RBPMS: variants seen among roughly 807,000 people sequenced by gnomAD.
The protein encoded by RBPMS is RNA binding protein, mRNA processing factor.
Under a neutral mutation model 26.8 loss-of-function variants are expected in RBPMS, and 7 were observed. That is an observed-to-expected ratio of 0.26 (90% CI 0.15 to 0.49). The LOEUF (loss-of-function observed/expected upper bound fraction) is 0.49. Among genes scored for constraint, RBPMS ranks in the 20% least tolerant of loss-of-function variants. RBPMS has a pLI of 0.98. For missense variants in RBPMS, 186 were observed against 250.0 expected (o/e 0.74, Z 1.73); for synonymous variants, 96 against 93.3 (o/e 1.03, Z -0.17).
chr8:30,416,376 G>C (rs774896328), intron 1 of RBPMS, among the ~76,000 whole-genome samples: 3 of 152,062 alleles, frequency 2.0e-5, no homozygotes, highest in Admixed American at 6.5e-5. Flanking sequence ...CTGTCGCCCA[G>C]GCTGGAGTGC....
At chr8:30,516,522 G>A (rs896995790) in intron 5 of RBPMS, among the ~76,000 whole-genome samples, 2 of 152,122 alleles carry the variant, frequency 1.3e-5, no homozygotes, top group East Asian at 1.9e-4. Context: ...CATACCAGCC[G>A]TTCATATAGT....
intron 1 of RBPMS, among the ~76,000 whole-genome samples, chr8:30,417,822 A>C (rs1421782070): frequency 6.6e-6 from 1 of 152,224 alleles, no homozygotes; most frequent in Non-Finnish European, 1.5e-5. Context: ...GATGTTCCAA[A>C]ATATATTACC....
At chr8:30,540,598 A>T in intron 5 of RBPMS, among the ~76,000 whole-genome samples, 1 of 152,080 alleles carries the variant, frequency 6.6e-6, no homozygotes, top group East Asian at 1.9e-4. Flanking sequence ...GCTAATATAT[A>T]TTTTTTTAAG....
intron 4 of RBPMS, among the ~76,000 whole-genome samples, chr8:30,486,548 G>T (rs538955357): frequency 2.6e-5 from 4 of 151,784 alleles, no homozygotes; most frequent in Non-Finnish European, 4.4e-5. Context: ...CAGGAGAATC[G>T]CTTGAACCCG....
At chr8:30,393,448 G>C (rs1042331704) in intron 1 of RBPMS, among the ~76,000 whole-genome samples, 12 of 151,918 alleles carry the variant, frequency 7.9e-5, no homozygotes, top group African/African-American at 2.9e-4. Flanking sequence ...TGACTTTTTT[G>C]GGGAAAAGGA....
At chr8:30,448,385 CTTA>C (rs982350032) in intron 1 of RBPMS, among the ~76,000 whole-genome samples, 3 of 152,144 alleles carry the variant, frequency 2.0e-5, no homozygotes, top group African/African-American at 7.2e-5. Flanking sequence ...AGTATGTGTT[CTTA>C]TTGCTCTTCC....
intron 5 of RBPMS, among the ~76,000 whole-genome samples, chr8:30,519,650 ATATTTT>A (rs546152980): frequency 3.8e-4 from 57 of 151,876 alleles, no homozygotes; most frequent in African/African-American, 1.3e-3. Context: ...CGCCCGGCTA[ATATTTT>A]TATTTTTATT....
At chr8:30,488,124 C>T (rs2150876597) in intron 4 of RBPMS, among the ~76,000 whole-genome samples, 1 of 152,084 alleles carries the variant, frequency 6.6e-6, no homozygotes, top group African/African-American at 2.4e-5. Flanking sequence ...CCTTTATTTG[C>T]CTTACACAAG....
intron 5 of RBPMS, among the ~76,000 whole-genome samples, chr8:30,525,731 A>G (rs1160286776): frequency 6.6e-6 from 1 of 152,240 alleles, no homozygotes; most frequent in African/African-American, 2.4e-5. Context: ...TCTAGTACAG[A>G]GAAAGGCATT....
intron 6 of RBPMS, among the ~76,000 whole-genome samples, chr8:30,550,078 A>C (rs780069925): frequency 2.0e-5 from 3 of 151,924 alleles, no homozygotes; most frequent in Admixed American, 6.6e-5. Flanking sequence ...TCTCGATCTC[A>C]TGACCTTATG....
intron 1 of RBPMS, among the ~76,000 whole-genome samples, chr8:30,435,241 T>A (rs1812330632): frequency 6.6e-6 from 1 of 152,172 alleles, no homozygotes. Context: ...GCTACACATA[T>A]GAGGTATATG....
intron 7 of RBPMS, among the ~76,000 whole-genome samples, chr8:30,559,286 A>G (rs1827248409): frequency 6.6e-6 from 1 of 152,266 alleles, no homozygotes; most frequent in African/African-American, 2.4e-5. Flanking sequence ...TGCTGCCAGC[A>G]TTAAATCAAA....
chr8:30,436,892 C>G (rs975041760), intron 1 of RBPMS, among the ~76,000 whole-genome samples: 1 of 150,708 alleles, frequency 6.6e-6, no homozygotes, highest in South Asian at 2.1e-4. Flanking sequence ...TGAACCTTTA[C>G]GTGTTTACAC....
intron 5 of RBPMS, among the ~76,000 whole-genome samples, chr8:30,526,695 A>C (rs1027376337): frequency 3.3e-5 from 5 of 152,212 alleles, no homozygotes; most frequent in African/African-American, 1.2e-4. Flanking sequence ...GACTGACTTC[A>C]TTCAGGAAAT....
intron 1 of RBPMS, among the ~76,000 whole-genome samples, chr8:30,430,305 A>C (rs1242954374): frequency 6.6e-6 from 1 of 152,166 alleles, no homozygotes; most frequent in African/African-American, 2.4e-5. Context: ...TAGAGAAGAG[A>C]ATCATACTAC....
chr8:30,411,664 G>GAAAAAAAAA (rs796071124), intron 1 of RBPMS, among the ~76,000 whole-genome samples: 1 of 28,216 alleles, frequency 3.5e-5, no homozygotes, highest in Non-Finnish European at 7.0e-5. Context: ...CCCTGTCTCA[G>GAAAAAAAAA]AAAAAAAAAA....
In RBPMS at chr8:30,411,118, G is replaced by A. The variant is rs1585372580; in HGVS notation, c.66+25960G>A. Among the ~76,000 whole-genome samples, 3 of 152,120 alleles carry A rather than the reference G, an allele frequency of 2.0e-5. No individual in the cohort carries two copies. The East Asian group carries it at 5.8e-4, about 29-fold the overall frequency. On this transcript the variant is annotated intron_variant, in intron 1 of 8. Transcript: ENST00000397323. Reference sequence around the variant, plus strand: ...AAGATCTCTGTCTTATTTCGTACTGGCACTGTAATCACAGTTGCTGAGTTT... The same window carrying A: ...AAGATCTCTGTCTTATTTCGTACTGACACTGTAATCACAGTTGCTGAGTTT...
intron 5 of RBPMS, among the ~76,000 whole-genome samples, chr8:30,524,644 T>C (rs1169058466): frequency 6.6e-6 from 1 of 152,152 alleles, no homozygotes; most frequent in Admixed American, 6.5e-5. Flanking sequence ...AACTAAGCAG[T>C]TAACATAGGA....
intron 4 of RBPMS, among the ~76,000 whole-genome samples, chr8:30,486,633 AAAAAAAAAT>A (rs1201267420): frequency 8.9e-6 from 1 of 112,376 alleles, no homozygotes. Context: ...ACTCTCTCTC[AAAAAAAAAT>A]AAAAAAATAA....
Sources: allele counts gnomAD v4.1 joint callset (sites outside exome capture counted in the v4.1 genomes callset), GRCh38; gene constraint gnomAD v4.1.1; transcripts MANE v1.5; gene names NCBI Gene and HGNC (gene_info 2026-07-23, HGNC 2026-07-21).